The following IQCM variants were observed in gnomAD, a reference collection of about 807,000 sequenced individuals.
IQCM encodes the protein IQ motif containing M.
IQCM carries 45 observed loss-of-function variants against 57.6 expected under a neutral mutation model. The observed-to-expected ratio is 0.78, with a 90% CI of 0.62 to 1.00. The LOEUF (loss-of-function observed/expected upper bound fraction) is 1.00, where lower values mean the gene tolerates loss of function less well. Ranked by LOEUF, IQCM falls within the 50% of genes least tolerant of loss-of-function variation. The pLI is 0.00. For missense variants in IQCM, 468 were observed against 511.6 expected (o/e 0.91, Z 0.82); for synonymous variants, 148 against 158.9 (o/e 0.93, Z 0.51).
intron 5 of IQCM, among the ~76,000 whole-genome samples, chr4:149,709,316 A>T (rs1764386230): frequency 6.6e-6 from 1 of 152,058 alleles, no homozygotes; most frequent in Non-Finnish European, 1.5e-5. Flanking sequence ...GTTGAAGAGA[A>T]ATAAAGGAAG....
At chr4:149,569,326 A>G (rs2149954279) in intron 9 of IQCM, among the ~76,000 whole-genome samples, 1 of 152,296 alleles carries the variant, frequency 6.6e-6, no homozygotes, top group East Asian at 1.9e-4. Flanking sequence ...TCAGAGGTAA[A>G]TTATCTGTCA....
chr4:149,356,558 T>C (rs1286993690), intron 13 of IQCM, among the ~76,000 whole-genome samples: 1 of 152,124 alleles, frequency 6.6e-6, no homozygotes, highest in East Asian at 1.9e-4. Flanking sequence ...TAGTTGTAGA[T>C]ATGCGGCATT....
At chr4:149,445,917 A>G (rs1336996687) in intron 12 of IQCM, among the ~76,000 whole-genome samples, 2 of 151,896 alleles carry the variant, frequency 1.3e-5, no homozygotes, top group African/African-American at 4.8e-5. Flanking sequence ...GTTTTAAAGA[A>G]AAATGTTTTT....
chr4:149,354,047 T>C (rs116051856), intron 13 of IQCM, among the ~76,000 whole-genome samples: 8,014 of 152,224 alleles, frequency 0.053, 243 homozygotes, highest in Middle Eastern at 0.075. Context: ...ACTTTAAACA[T>C]ACAAAATAAA....
At chr4:149,358,858 A>G (rs1341447388) in intron 13 of IQCM, among the ~76,000 whole-genome samples, 1 of 152,128 alleles carries the variant, frequency 6.6e-6, no homozygotes, top group Non-Finnish European at 1.5e-5. Flanking sequence ...ATATCATGAT[A>G]TACTCTCATG....
intron 13 of IQCM, among the ~76,000 whole-genome samples, chr4:149,400,957 T>C (rs942198135): frequency 6.6e-6 from 1 of 151,872 alleles, no homozygotes; most frequent in African/African-American, 2.4e-5. Flanking sequence ...TACTTTGCTG[T>C]AGTACTTTTC....
chr4:149,385,385 G>A (rs1217915662), intron 13 of IQCM, among the ~76,000 whole-genome samples: 2 of 152,080 alleles, frequency 1.3e-5, no homozygotes, highest in African/African-American at 4.8e-5. Context: ...GACAAAGGCA[G>A]GAGTAGACAA....
chr4:149,809,458 T>C (rs1774364786), intron 2 of IQCM, among the ~76,000 whole-genome samples: 1 of 152,172 alleles, frequency 6.6e-6, no homozygotes, highest in Admixed American at 6.5e-5. Context: ...TATACGGACA[T>C]ATTTATTTTA....
chr4:149,674,455 A>C (rs893821704), intron 7 of IQCM, among the ~76,000 whole-genome samples: 1 of 152,108 alleles, frequency 6.6e-6, no homozygotes, highest in Admixed American at 6.6e-5. Context: ...AGATAAGTAA[A>C]ATAGGCAGTA....
chr4:149,785,301 T>C (rs1013521581), intron 2 of IQCM, among the ~76,000 whole-genome samples: 4 of 152,210 alleles, frequency 2.6e-5, no homozygotes, highest in Non-Finnish European at 5.9e-5. Context: ...CTGACTTTAT[T>C]AGGCACACAA....
chr4:149,662,324 C>A (rs1760296771), intron 7 of IQCM, among the ~76,000 whole-genome samples: 1 of 151,970 alleles, frequency 6.6e-6, no homozygotes, highest in Admixed American at 6.6e-5. Context: ...TTCCTATCTT[C>A]TTAAATTTGT....
intron 11 of IQCM, among the ~76,000 whole-genome samples, chr4:149,548,860 C>G (rs1233567142): frequency 6.6e-6 from 1 of 152,176 alleles, no homozygotes; most frequent in African/African-American, 2.4e-5. Context: ...ATAATGTCAA[C>G]TCAACCATGT....
intron 13 of IQCM, among the ~76,000 whole-genome samples, chr4:149,364,175 T>C (rs1729680471): frequency 6.6e-6 from 1 of 152,152 alleles, no homozygotes; most frequent in African/African-American, 2.4e-5. Context: ...CAGGCACCCT[T>C]TCCCATTGTA....
chr4:149,578,498 G>T (rs1187649540), intron 9 of IQCM, among the ~76,000 whole-genome samples: 1 of 151,676 alleles, frequency 6.6e-6, no homozygotes, highest in East Asian at 2.0e-4. Flanking sequence ...ACAGTAAATT[G>T]TTCTGCTCTT....
intron 10 of IQCM, among the ~76,000 whole-genome samples, chr4:149,553,818 A>C (rs1295115408): frequency 6.6e-6 from 1 of 152,134 alleles, no homozygotes; most frequent in Non-Finnish European, 1.5e-5. Context: ...GCGTATGTGC[A>C]AATTTTGTTT....
intron 13 of IQCM, among the ~76,000 whole-genome samples, chr4:149,356,831 T>A (rs1452028967): frequency 6.6e-6 from 1 of 152,196 alleles, no homozygotes; most frequent in African/African-American, 2.4e-5. Context: ...TAAATTACCT[T>A]AAGCAGTATG....
chr4:149,416,386 C>G (rs2111196557), intron 13 of IQCM, among the ~76,000 whole-genome samples: 1 of 152,166 alleles, frequency 6.6e-6, no homozygotes, highest in Admixed American at 6.6e-5. Flanking sequence ...AGTCCGCATT[C>G]ATTTGTTTAA....
intron 12 of IQCM, among the ~76,000 whole-genome samples, chr4:149,434,532 C>T (rs139228063): frequency 6.6e-6 from 1 of 152,076 alleles, no homozygotes; most frequent in African/African-American, 2.4e-5. Context: ...CATATATTTC[C>T]CTCCTTTCCT....
rs1394235368 is a variant in IQCM, at chr4:149,470,770, C to G, written c.1229-37213G>C. Among the ~76,000 whole-genome samples, 5 of 152,296 alleles carry G rather than the reference C, an allele frequency of 3.3e-5. No homozygotes were observed. The South Asian group carries it at 6.2e-4, about 19-fold the overall frequency. The stretch of plus-strand genomic sequence containing the variant: ...TAATAGAAATTATAACAAACTGTCT[C>G]TCAGACCACAGTGCAATCAAACTAG... On this transcript the variant is annotated intron_variant, in intron 12 of 13. Transcript: ENST00000636793.
Sources: gnomAD v4.1 joint callset for allele counts (sites outside exome capture counted in the v4.1 genomes callset) on GRCh38, gnomAD v4.1.1 for gene constraint, MANE v1.5 for transcripts, NCBI Gene and HGNC (gene_info 2026-07-23, HGNC 2026-07-21) for gene names.